The following KCNMA1 variants were observed in gnomAD, a reference collection of about 807,000 sequenced individuals.
KCNMA1 encodes Calcium-activated potassium channel subunit alpha-1.
A neutral mutation model predicts 140.0 loss-of-function variants in KCNMA1; 29 were observed. That is an observed-to-expected ratio of 0.21 (90% confidence interval 0.15 to 0.28). KCNMA1 has a LOEUF of 0.28. KCNMA1 is among the 10% of genes least tolerant of loss of function. The probability of loss-of-function intolerance (pLI) is 1.00; values close to 1 mark genes in which losing one functional copy is unlikely to be tolerated. For missense variants in KCNMA1, 880 were observed against 1,602.2 expected, an observed-to-expected ratio of 0.55 and a Z score of 7.70; for synonymous variants, 612 against 611.9, an observed-to-expected ratio of 1.00 and a Z score of 0.00.
At chr10:77,090,361 G>T in intron 10 of KCNMA1, 39 bp downstream of exon 10, 2 of 1,306,228 alleles carry the variant, frequency 1.5e-6, no homozygotes, top group African/African-American at 1.4e-5. Flanking sequence ...CAGGGTGTGT[G>T]GTTGGGCAGA....
At chr10:77,555,102 C>G (rs2063922895) in intron 1 of KCNMA1, among the ~76,000 whole-genome samples, 1 of 147,804 alleles carries the variant, frequency 6.8e-6, no homozygotes, top group Non-Finnish European at 1.5e-5. Flanking sequence ...AGATGAAGAA[C>G]TTCCCCAGTC....
At chr10:77,408,209 C>T (rs2096533361) in intron 1 of KCNMA1, among the ~76,000 whole-genome samples, 1 of 152,186 alleles carries the variant, frequency 6.6e-6, no homozygotes, top group South Asian at 2.1e-4. Context: ...TTGCTCCTGG[C>T]CCCACAGGAT....
intron 23 of KCNMA1, among the ~76,000 whole-genome samples, chr10:76,936,226 T>C (rs936258247): frequency 1.3e-5 from 2 of 152,242 alleles, no homozygotes; most frequent in African/African-American, 4.8e-5. Context: ...CTTTCTGTAC[T>C]TGAGATCTGC....
intron 1 of KCNMA1, among the ~76,000 whole-genome samples, chr10:77,572,515 G>A (rs1479983933): frequency 5.9e-5 from 8 of 135,050 alleles, no homozygotes; most frequent in Admixed American, 2.3e-4. Context: ...CCAGAAGTTC[G>A]AGGCAGCCTG....
chr10:77,553,919 A>T (rs74719168), intron 1 of KCNMA1, among the ~76,000 whole-genome samples: 2,279 of 152,146 alleles, frequency 0.015, 32 homozygotes, highest in Middle Eastern at 0.048. Context: ...AATAACACAG[A>T]TTTGATATTC....
intron 1 of KCNMA1, among the ~76,000 whole-genome samples, chr10:77,522,473 G>A (rs1248997110): frequency 6.6e-6 from 1 of 152,114 alleles, no homozygotes; most frequent in Non-Finnish European, 1.5e-5. Context: ...AATAACTGTC[G>A]GGAACAGCAT....
At chr10:77,173,770 G>C (rs2098729160) in intron 5 of KCNMA1, among the ~76,000 whole-genome samples, 1 of 152,164 alleles carries the variant, frequency 6.6e-6, no homozygotes, top group Non-Finnish European at 1.5e-5. Context: ...CAAGTTGAAA[G>C]TCAGCTGCCT....
At chr10:77,408,957 A>C (rs1173883498) in intron 1 of KCNMA1, among the ~76,000 whole-genome samples, 1 of 152,174 alleles carries the variant, frequency 6.6e-6, no homozygotes, top group Non-Finnish European at 1.5e-5. Flanking sequence ...ATTCAGGGCA[A>C]GGGTGCAGGC....
At chr10:77,464,700 G>A (rs956365675) in intron 1 of KCNMA1, among the ~76,000 whole-genome samples, 1 of 152,078 alleles carries the variant, frequency 6.6e-6, no homozygotes, top group Non-Finnish European at 1.5e-5. Context: ...CCAGGCTCCC[G>A]GCCCTCTAAG....
At chr10:77,523,886 T>C (rs2054532048) in intron 1 of KCNMA1, among the ~76,000 whole-genome samples, 1 of 152,130 alleles carries the variant, frequency 6.6e-6, no homozygotes, top group Non-Finnish European at 1.5e-5. Context: ...TCTGATAACA[T>C]AATAGGGTGA....
rs188139904 is a variant in KCNMA1 at position 77,489,590 on chromosome 10, C to T, written c.379-85567G>A. On this transcript the variant is annotated intron_variant, in intron 1 of 27. Coordinates refer to ENST00000286628, the MANE Select transcript of KCNMA1 (RefSeq NM_001161352.2). ...CTGACCTCAGGTGATCCGCCTGCCT[C>T]AGCCTCCCAAAGTGCTGGGATTACA... Among the ~76,000 whole-genome samples, 24 of 152,290 alleles carry T rather than the reference C, an allele frequency of 1.6e-4. No homozygotes were observed. The East Asian group carries it at 3.1e-3, about 20-fold the overall frequency.
At chr10:76,959,753 T>C (rs1215769186) in intron 20 of KCNMA1, among the ~76,000 whole-genome samples, 1 of 152,244 alleles carries the variant, frequency 6.6e-6, no homozygotes, top group Non-Finnish European at 1.5e-5. Flanking sequence ...CTACTAGTGC[T>C]ATTACCATTG....
In KCNMA1 at chr10:76,970,015, T is replaced by A; in HGVS notation, c.2319A>T (p.Gly773=). 6.2e-7 allele frequency: 1 copy of A among 1,613,318 alleles called. No homozygotes were observed. Among genetic ancestry groups the A allele is most frequent in the Non-Finnish European group, 8.5e-7 (1 of 1,179,832 alleles). Residue 773 remains glycine, a synonymous_variant, in exon 20 of 28, where the codon GGA becomes GGT. Transcript: ENST00000286628. ...TLSPKKKQRN[G]GMRNSPNTSP... ...AGGTGTTGGGTGAGTTCCGCATGCC[T>A]CCATTCCGTTGCTTTTTTTTTGGTG...
At chr10:77,499,332 C>CT (rs2042977414) in intron 1 of KCNMA1, among the ~76,000 whole-genome samples, 2 of 150,030 alleles carry the variant, frequency 1.3e-5, no homozygotes, top group Non-Finnish European at 3.0e-5. Context: ...ACTGAAAAGA[C>CT]GAAAACAAAA....
rs190880373 is a variant in KCNMA1, at chr10:77,460,967, G to A, written c.379-56944C>T. Among the ~76,000 whole-genome samples the A allele has an allele frequency of 2.0e-3, 301 of 152,212 alleles. 1 individual carries two copies. The highest frequency in any genetic ancestry group is 3.4e-3 in the Non-Finnish European group (233 of 68,016). On this transcript the variant is annotated intron_variant, in intron 1 of 27. Transcript: ENST00000286628. ...CTAAAAATACAAAAATTAGCTGGGCGTGGTGGCATGCCACTGTAATCCCAG... is the reference window on the plus strand; with the variant it reads ...CTAAAAATACAAAAATTAGCTGGGCATGGTGGCATGCCACTGTAATCCCAG...
intron 2 of KCNMA1, among the ~76,000 whole-genome samples, chr10:77,384,082 C>G (rs1178570268): frequency 6.6e-6 from 1 of 152,248 alleles, no homozygotes; most frequent in Non-Finnish European, 1.5e-5. Context: ...TCTAATGGTT[C>G]TAGATCAGCC....
chr10:77,293,476 C>T (rs1212047188), intron 2 of KCNMA1, among the ~76,000 whole-genome samples: 2 of 152,198 alleles, frequency 1.3e-5, no homozygotes, highest in Non-Finnish European at 2.9e-5. Flanking sequence ...ATGTGCATGA[C>T]AGCCCTGACT....
intron 1 of KCNMA1, among the ~76,000 whole-genome samples, chr10:77,473,278 G>T (rs1279050916): frequency 1.3e-5 from 2 of 152,224 alleles, no homozygotes; most frequent in African/African-American, 4.8e-5. Context: ...GGCAGGCATT[G>T]GAGGAGTTGC....
intron 1 of KCNMA1, among the ~76,000 whole-genome samples, chr10:77,492,576 G>A (rs1426719386): frequency 6.6e-6 from 1 of 152,186 alleles, no homozygotes; most frequent in Non-Finnish European, 1.5e-5. Flanking sequence ...GAGGTATAGG[G>A]AAGTTACCCA....
Sources: gnomAD v4.1 joint callset for allele counts (sites outside exome capture counted in the v4.1 genomes callset) on GRCh38, gnomAD v4.1.1 for gene constraint, MANE v1.5 for transcripts, NCBI Gene and HGNC (gene_info 2026-07-23, HGNC 2026-07-21) for gene names.